Variants in SEPTIN5 observed in about 807,000 individuals in gnomAD.
SEPTIN5 encodes septin-5.
SEPTIN5 carries 16 observed loss-of-function variants against 51.2 expected under a neutral mutation model. The ratio of observed to expected loss-of-function variants is 0.31; its 90% CI spans 0.21 to 0.47. SEPTIN5 has a LOEUF of 0.47. Among genes scored for constraint, SEPTIN5 ranks in the 20% least tolerant of loss-of-function variants. The pLI is 0.99. For missense variants in SEPTIN5, 376 were observed against 500.3 expected, an observed-to-expected ratio of 0.75 and a Z score of 2.37; for synonymous variants, 208 against 191.2, an observed-to-expected ratio of 1.09 and a Z score of -0.72.
rs1601246707 is a variant in SEPTIN5 at position 19,722,965 on chromosome 22, G to A, written c.*481G>A. ...GCCGAGTCTTCCCTTATCCCCAGAC[G>A]CCTAGCGGGCAGGGTTGGGCTGAAT... On this transcript the variant is annotated 3_prime_UTR_variant, in exon 12 of 12. Transcript: ENST00000455784. 2.3e-6 allele frequency: 1 copy of A among 441,142 alleles called. No homozygotes were observed. Among genetic ancestry groups the A allele is most frequent in the Non-Finnish European group, 4.3e-6 (1 of 233,264 alleles). The allele number at this position is 441,142 out of a possible 1,614,324, so 27.3% of individuals were successfully genotyped here.
intron 8 of SEPTIN5, 93 bp from the exon 9 acceptor site, chr22:19,721,547 G>A: frequency 2.2e-6 from 3 of 1,340,016 alleles, no homozygotes; most frequent in Non-Finnish European, 3.2e-6. Flanking sequence ...TGGTGATGCT[G>A]GAGGGGTGCC....
Position 19,722,316 on chromosome 22 carries a change from C to T in SEPTIN5, c.1030C>T (p.Leu344Phe). Residue 344 changes from leucine (L) to phenylalanine (F), a missense_variant, in exon 11 of 12, where the codon CTT becomes TTT. By Grantham distance (22) the Leu-to-Phe change is conservative. Around this residue, in one of 2 missense-constraint regions of SEPTIN5, gnomAD observed 89 missense variants for 83.3 expected, o/e 1.07. Transcript: ENST00000455784. ...LPTPDAETEK[L>F]IRMKDEELRR... is the part of the protein sequence containing the mutation. The stretch of plus-strand genomic sequence containing the variant: ...CACCCCGGACGCCGAGACTGAGAAG[C>T]TTATCAGGATGAAGGATGAGGAAGT... The T allele has an allele frequency of 6.2e-7, 1 of 1,611,218 alleles. No individual in the cohort carries two copies. The highest frequency in any genetic ancestry group is 8.5e-7 in the Non-Finnish European group (1 of 1,179,278).
At chr22:19,719,502 G>A (rs1193734883) in intron 2 of SEPTIN5, 100 bp from the exon 3 acceptor site, 4 of 951,972 alleles carry the variant, frequency 4.2e-6, no homozygotes, top group African/African-American at 3.3e-5. Context: ...CCTGGGAACC[G>A]TACCCTCTGC....
chr22:19,722,602 C>A lies in SEPTIN5; in HGVS notation c.*118C>A, dbSNP rs1022987457. On this transcript the variant is annotated 3_prime_UTR_variant, in exon 12 of 12. Coordinates refer to ENST00000455784, the MANE Select transcript of SEPTIN5 (RefSeq NM_002688.6). ...AGCCCCCAGCTGACCCTAATTTATT[C>A]TCAGCACCACCCCCTCCCAGGTCAT... 1.9e-6 allele frequency: 2 copies of A among 1,040,888 alleles called. No individual in the cohort carries two copies. Among genetic ancestry groups the A allele is most frequent in the Non-Finnish European group, 1.4e-6 (1 of 703,234 alleles). The allele number at this position is 1,040,888 out of a possible 1,614,324, so 64.5% of individuals were successfully genotyped here. A position where few individuals can be genotyped will look rare whatever the true frequency, so the allele number is the denominator to read the frequency against.
rs1435788025 is a variant in SEPTIN5, at chr22:19,721,113, T to C, written c.717+244T>C. 5.9e-5 allele frequency among the ~76,000 whole-genome samples: 9 copies of C among 152,176 alleles called. No individual in the cohort carries two copies. In the East Asian group the frequency reaches 1.7e-3, roughly 29 times the overall value. On this transcript the variant is annotated intron_variant, in intron 8 of 11. Coordinates refer to ENST00000455784, the MANE Select transcript of SEPTIN5 (RefSeq NM_002688.6). ...GGCCCCGTGTGGTGCTTGGCAGGTA[T>C]GGAGCACTTGCCCAGATCCAGAGGT...
In SEPTIN5 at chr22:19,722,529, C is replaced by A. The variant is rs1236738518; in HGVS notation, c.*45C>A. 2.5e-5 allele frequency: 39 copies of A among 1,552,808 alleles called. No individual in the cohort carries two copies. The highest frequency in any genetic ancestry group is 3.3e-5 in the Non-Finnish European group (38 of 1,147,020). On this transcript the variant is annotated 3_prime_UTR_variant, in exon 12 of 12. Transcript: ENST00000455784. ...GTCCGTCTCCGGGACGCCCTCGCAC[C>A]CCTGGACACCAGACCGGACTGTTCC...
In SEPTIN5 at chr22:19,715,898, C is replaced by A. The variant is rs536470758; in HGVS notation, c.54+1107C>A. 1.1e-3 allele frequency among the ~76,000 whole-genome samples: 168 copies of A among 152,282 alleles called. 1 individual carries two copies. The highest frequency in any genetic ancestry group is 3.9e-3 in the African/African-American group (162 of 41,566). On this transcript the variant is annotated intron_variant, in intron 2 of 11. Coordinates refer to ENST00000455784, the MANE Select transcript of SEPTIN5 (RefSeq NM_002688.6). Reference sequence around the variant, plus strand: ...AGCAGGTCAGACAAAGCCTGAGATGCAGGGACACATGCGTCAGGCTACTGT... The same window carrying A: ...AGCAGGTCAGACAAAGCCTGAGATGAAGGGACACATGCGTCAGGCTACTGT...
chr22:19,722,976 A>G lies in SEPTIN5; in HGVS notation c.*492A>G. 1 of 440,110 alleles carries G rather than the reference A, an allele frequency of 2.3e-6. No individual in the cohort carries two copies. Among genetic ancestry groups the G allele is most frequent in the East Asian group, 4.0e-5 (1 of 24,858 alleles). The allele number at this position is 440,110 out of a possible 1,614,324, so 27.3% of individuals were successfully genotyped here. A position where few individuals can be genotyped will look rare whatever the true frequency, so the allele number is the denominator to read the frequency against. The stretch of plus-strand genomic sequence containing the variant: ...CCTTATCCCCAGACGCCTAGCGGGC[A>G]GGGTTGGGCTGAATCAAATGGGAGC... On this transcript the variant is annotated 3_prime_UTR_variant, in exon 12 of 12. Coordinates refer to ENST00000455784, the MANE Select transcript of SEPTIN5 (RefSeq NM_002688.6).
At position 19,719,630 on chromosome 22, in the gene SEPTIN5, C is replaced by A. The variant is rs772092308; in HGVS notation, c.83C>A (p.Ala28Asp). The A allele has an allele frequency of 3.1e-5, 50 of 1,612,866 alleles. No homozygotes were observed. The highest frequency in any genetic ancestry group is 4.2e-5 in the Non-Finnish European group (49 of 1,179,926). Residue 28 changes from alanine (A) to aspartate (D), a missense_variant, in exon 3 of 12, where the codon GCC becomes GAC. By Grantham distance (126) the Ala-to-Asp change is moderately radical. Around this residue, in one of 2 missense-constraint regions of SEPTIN5, gnomAD observed 287 missense variants for 417.1 expected, o/e 0.69. Coordinates refer to ENST00000455784, the MANE Select transcript of SEPTIN5 (RefSeq NM_002688.6). ...QDIDKQYVGF[A>D]TLPNQVHRKS... ...ATTGACAAGCAGTACGTGGGCTTCG[C>A]CACACTGCCCAACCAGGTGCACCGC... is the stretch of plus-strand genomic sequence containing the variant.
At position 19,723,215 on chromosome 22, in the gene SEPTIN5, T is replaced by A; in HGVS notation, c.*731T>A. The stretch of plus-strand genomic sequence containing the variant: ...GGGATCCTGAGCCTAGGCCTCCCGA[T>A]GTTCCCACCCGCATGATCCCTTCCC... On this transcript the variant is annotated 3_prime_UTR_variant, in exon 12 of 12. Coordinates refer to ENST00000455784, the MANE Select transcript of SEPTIN5 (RefSeq NM_002688.6). 1.6e-6 allele frequency: 1 copy of A among 618,122 alleles called. No individual in the cohort carries two copies. The highest frequency in any genetic ancestry group is 3.0e-6 in the Non-Finnish European group (1 of 330,980). 38.3% of individuals were successfully genotyped at this position (618,122 alleles called of 1,614,324 possible). A position where few individuals can be genotyped will look rare whatever the true frequency, so the allele number is the denominator to read the frequency against.
chr22:19,722,073 C>CA lies in SEPTIN5; in HGVS notation c.950+116_950+117insA, dbSNP rs1229847287. The CA allele has an allele frequency of 1.9e-5, 25 of 1,311,652 alleles. No individual in the cohort carries two copies. The African/African-American group carries it at 3.7e-4, about 20-fold the overall frequency. The allele number at this position is 1,311,652 out of a possible 1,614,324, so 81.3% of individuals were successfully genotyped here. On this transcript the variant is annotated intron_variant, in intron 10 of 11. Coordinates refer to ENST00000455784, the MANE Select transcript of SEPTIN5 (RefSeq NM_002688.6). ...TTGAACTTTGCACCATTCCCTAAGC[C>CA]CCCCCCCTCCCCCAGAGCCTGGTCT...
At chr22:19,722,192 T>C in intron 10 of SEPTIN5, 45 bp from the exon 11 acceptor site, 8 of 1,398,030 alleles carry the variant, frequency 5.7e-6, no homozygotes, top group Non-Finnish European at 6.8e-6. Flanking sequence ...ACGCTGAGCC[T>C]CCCGGTGGCG....
At chr22:19,718,783 C>A in intron 2 of SEPTIN5, 1 of 1,237,044 alleles carries the variant, frequency 8.1e-7, no homozygotes, top group Non-Finnish European at 1.0e-6. Context: ...GGAGCAGCTG[C>A]TGTCGCCGCG....
intron 2 of SEPTIN5, chr22:19,718,155 T>G (rs1935944952): frequency 6.5e-6 from 1 of 153,374 alleles, no homozygotes; most frequent in African/African-American, 2.4e-5. Context: ...GCGCAGCACC[T>G]CTTGGGGGCG....
chr22:19,714,752 C>T lies in SEPTIN5; in HGVS notation c.44-29C>T, dbSNP rs779837958. 5.7e-6 allele frequency: 9 copies of T among 1,589,018 alleles called. No individual in the cohort carries two copies. Among genetic ancestry groups the T allele is most frequent in the African/African-American group, 1.4e-5 (1 of 73,324 alleles). On this transcript the variant is annotated intron_variant, in intron 1 of 11. Transcript: ENST00000455784. This position sits in a 1 kb window ranked among gnomAD's most constrained non-coding sequence, Gnocchi z 5.2. The stretch of plus-strand genomic sequence containing the variant: ...GCCCGGACCCGCTCGGAACCGGACC[C>T]GGACTCGACCCCGACCCCGACCCCG...
intron 2 of SEPTIN5, chr22:19,719,290 T>C (rs1935975410): frequency 3.1e-6 from 1 of 325,636 alleles, no homozygotes; most frequent in East Asian, 6.0e-5. Context: ...CCTGCTGCCC[T>C]CTGCCCGAGG....
Position 19,714,659 on chromosome 22 carries a change from G to GCGTGCCCA in SEPTIN5, c.43+30_43+31insTGCCCACG. 1 of 1,511,832 alleles carries GCGTGCCCA rather than the reference G, an allele frequency of 6.6e-7. No individual in the cohort carries two copies. Among genetic ancestry groups the GCGTGCCCA allele is most frequent in the Non-Finnish European group, 8.8e-7 (1 of 1,135,460 alleles). 93.7% of individuals were successfully genotyped at this position (1,511,832 alleles called of 1,614,324 possible). On this transcript the variant is annotated intron_variant, in intron 1 of 11. Coordinates refer to ENST00000455784, the MANE Select transcript of SEPTIN5 (RefSeq NM_002688.6). The surrounding 1 kb of genome is among the most constrained non-coding windows in gnomAD (Gnocchi z 5.2). ...GAGCCCAGCGCCTGCCCGCGTGCCC[G>GCGTGCCCA]CGCGCGCCTTTGTCCCCGCCGCCCG...
Position 19,714,856 on chromosome 22 carries a change from C to T in SEPTIN5, c.54+65C>T, listed in dbSNP as rs563929373. The stretch of plus-strand genomic sequence containing the variant: ...CGGCTGTCACCCATTGTGACACTAG[C>T]GCCTTGGGCGCCCAGGCGCGACCCC... On this transcript the variant is annotated intron_variant, in intron 2 of 11. Transcript: ENST00000455784. The surrounding 1 kb of genome is among the most constrained non-coding windows in gnomAD (Gnocchi z 5.2). 23 of 1,554,936 alleles carry T rather than the reference C, an allele frequency of 1.5e-5. No individual in the cohort carries two copies. In the African/African-American group the frequency reaches 2.2e-4, roughly 15 times the overall value.
rs141597356 is a variant in SEPTIN5 at position 19,720,446 on chromosome 22, C to T, written c.489C>T (p.Phe163=). The T allele has an allele frequency of 1.6e-5, 26 of 1,613,634 alleles. No individual in the cohort carries two copies. Among genetic ancestry groups the T allele is most frequent in the East Asian group, 2.2e-5 (1 of 44,898 alleles). The change falls in exon 6 of 12, where the codon TTC becomes TTT. Residue 163 remains phenylalanine, a synonymous_variant. Coordinates refer to ENST00000455784, the MANE Select transcript of SEPTIN5 (RefSeq NM_002688.6). ...VHCCLYFISP[F]GHGLRPVDVG... ...GCTGCCTATACTTCATCTCCCCCTT[C>T]GGGCATGGGTGTGTGGCTGTCCTGG...
Sources: allele counts gnomAD v4.1 joint callset (sites outside exome capture counted in the v4.1 genomes callset), GRCh38; gene constraint gnomAD v4.1.1; regional missense constraint gnomAD v4.1.1; non-coding constraint Gnocchi (gnomAD v3.1); transcripts MANE v1.5; gene names NCBI Gene and HGNC (gene_info 2026-07-23, HGNC 2026-07-21).